SYNPR: variants seen among roughly 807,000 people sequenced by gnomAD.
SYNPR encodes the protein synaptoporin.
A neutral mutation model predicts 32.9 loss-of-function variants in SYNPR; 23 were observed. The ratio of observed to expected loss-of-function variants is 0.70; its 90% CI spans 0.50 to 0.99. The LOEUF is 0.99. Among genes scored for constraint, SYNPR ranks in the 50% least tolerant of loss-of-function variants. The pLI, the probability that SYNPR is intolerant of heterozygous loss-of-function variation, is 0.00. For missense variants in SYNPR, 318 were observed against 349.3 expected (o/e 0.91, Z 0.71); for synonymous variants, 146 against 135.9 (o/e 1.07, Z -0.52).
intron 2 of SYNPR, among the ~76,000 whole-genome samples, chr3:63,434,894 A>G (rs1314718502): frequency 6.6e-6 from 1 of 152,234 alleles, no homozygotes; most frequent in Non-Finnish European, 1.5e-5. Context: ...GCAAAGACTT[A>G]TTTAGTGCCT....
At chr3:63,514,692 A>G (rs570465534) in intron 3 of SYNPR, among the ~76,000 whole-genome samples, 1 of 152,308 alleles carries the variant, frequency 6.6e-6, no homozygotes, top group African/African-American at 2.4e-5. Context: ...ACAGACCAAT[A>G]TTAACAAGAA....
At chr3:63,385,273 G>T (rs1481392965) in intron 2 of SYNPR, among the ~76,000 whole-genome samples, 1 of 152,132 alleles carries the variant, frequency 6.6e-6, no homozygotes, top group East Asian at 1.9e-4. Flanking sequence ...TTCCCGCCCT[G>T]CTTCCTTCCT....
intron 5 of SYNPR, among the ~76,000 whole-genome samples, chr3:63,611,963 T>C (rs1426628676): frequency 6.6e-6 from 1 of 152,210 alleles, no homozygotes; most frequent in African/African-American, 2.4e-5. Context: ...GGCATACCCA[T>C]ACCACAATAA....
intron 2 of SYNPR, among the ~76,000 whole-genome samples, chr3:63,472,638 C>T (rs879500870): frequency 6.6e-6 from 1 of 152,060 alleles, no homozygotes; most frequent in Non-Finnish European, 1.5e-5. Flanking sequence ...ATGGGGAATA[C>T]AAAGATGCTG....
At chr3:63,551,200 A>G (rs1702494124) in intron 3 of SYNPR, among the ~76,000 whole-genome samples, 1 of 152,186 alleles carries the variant, frequency 6.6e-6, no homozygotes, top group Non-Finnish European at 1.5e-5. Context: ...AGCTTCTTTC[A>G]CTGAGCATAA....
At chr3:63,255,843 C>T (rs1365355589) in intron 2 of SYNPR, among the ~76,000 whole-genome samples, 6 of 152,190 alleles carry the variant, frequency 3.9e-5, no homozygotes, top group East Asian at 1.9e-4. Context: ...TGACAGATGG[C>T]ACCTGGAAAA....
chr3:63,597,635 T>C (rs1235191689), intron 4 of SYNPR, among the ~76,000 whole-genome samples: 1 of 152,038 alleles, frequency 6.6e-6, no homozygotes, highest in Non-Finnish European at 1.5e-5. Context: ...CTGGGCATAA[T>C]GAAAAAACAC....
intron 2 of SYNPR, among the ~76,000 whole-genome samples, chr3:63,387,689 T>C (rs2088070658): frequency 1.3e-5 from 2 of 152,182 alleles, no homozygotes; most frequent in South Asian, 4.1e-4. Context: ...CCACTGGTGA[T>C]TCATCCTTCT....
chr3:63,408,344 G>GA lies in SYNPR; in HGVS notation c.85-72485dup, dbSNP rs1308545359. Among the ~76,000 whole-genome samples, 16 of 143,884 alleles carry GA rather than the reference G, an allele frequency of 1.1e-4. 3 individuals carry two copies. Among genetic ancestry groups the GA allele is most frequent in the African/African-American group, 3.7e-4 (13 of 35,368 alleles). The allele number at this position is 143,884 out of a possible 152,430, so 94.4% of individuals were successfully genotyped here. A position where few individuals can be genotyped will look rare whatever the true frequency, so the allele number is the denominator to read the frequency against. On this transcript the variant is annotated intron_variant, in intron 2 of 5. Transcript: ENST00000478300. ...GGAAAGAAAGAAAGAAAGAAAGAAA[G>GA]AAAGAAAGAAAGAAAGAAAGAAAGA...
At chr3:63,289,780 A>T (rs541768453) in intron 2 of SYNPR, among the ~76,000 whole-genome samples, 83 of 152,282 alleles carry the variant, frequency 5.5e-4, no homozygotes, top group Non-Finnish European at 1.0e-3. Flanking sequence ...GTGCTTTATT[A>T]AGTGCTATGC....
intron 3 of SYNPR, among the ~76,000 whole-genome samples, chr3:63,533,487 G>A (rs767009579): frequency 3.9e-5 from 6 of 152,178 alleles, no homozygotes. Context: ...CAGGGATAGA[G>A]ATAGGTTTTG....
At chr3:63,237,845 G>A (rs2086210740) in intron 1 of SYNPR, among the ~76,000 whole-genome samples, 1 of 152,056 alleles carries the variant, frequency 6.6e-6, no homozygotes, top group African/African-American at 2.4e-5. Context: ...TGAGGACCTG[G>A]TAGGGATTTC....
At chr3:63,461,863 T>C (rs887259082) in intron 2 of SYNPR, among the ~76,000 whole-genome samples, 1 of 152,046 alleles carries the variant, frequency 6.6e-6, no homozygotes, top group Non-Finnish European at 1.5e-5. Flanking sequence ...TTTGAGATTA[T>C]GGATGTAAAG....
At chr3:63,552,575 C>T (rs1455662861) in intron 3 of SYNPR, among the ~76,000 whole-genome samples, 2 of 152,156 alleles carry the variant, frequency 1.3e-5, no homozygotes, top group Admixed American at 1.3e-4. Context: ...CTGGATTTTC[C>T]TGCTTTAGCT....
intron 2 of SYNPR, among the ~76,000 whole-genome samples, chr3:63,352,448 T>C (rs1431035517): frequency 6.6e-6 from 1 of 152,156 alleles, no homozygotes. Flanking sequence ...AGATCACCTC[T>C]TGGGAAAACA....
intron 2 of SYNPR, among the ~76,000 whole-genome samples, chr3:63,341,922 A>G (rs942091807): frequency 6.6e-6 from 1 of 152,186 alleles, no homozygotes; most frequent in African/African-American, 2.4e-5. Context: ...TTGCATCTAG[A>G]AAGCCATCAC....
chr3:63,493,379 CA>C (rs898881113), intron 3 of SYNPR, among the ~76,000 whole-genome samples: 19 of 152,078 alleles, frequency 1.2e-4, no homozygotes, highest in Admixed American at 6.6e-5. Context: ...ACTGGAAAAC[CA>C]GGATTCACAT....
intron 3 of SYNPR, among the ~76,000 whole-genome samples, chr3:63,523,044 A>G (rs996633949): frequency 2.0e-5 from 3 of 152,128 alleles, no homozygotes; most frequent in African/African-American, 7.2e-5. Context: ...TCAGGTTGTA[A>G]CAGAGAAGTA....
chr3:63,536,769 AC>A (rs1260580790), intron 3 of SYNPR, among the ~76,000 whole-genome samples: 1 of 152,200 alleles, frequency 6.6e-6, no homozygotes, highest in Non-Finnish European at 1.5e-5. Context: ...ATATAGCTAT[AC>A]AATGGAATAT....
Sources: allele counts gnomAD v4.1 joint callset (sites outside exome capture counted in the v4.1 genomes callset), GRCh38; gene constraint gnomAD v4.1.1; transcripts MANE v1.5; gene names NCBI Gene and HGNC (gene_info 2026-07-23, HGNC 2026-07-21).